The following SLC25A16 variants were observed in gnomAD, a reference collection of about 807,000 sequenced individuals.
SLC25A16 encodes mitochondrial coenzyme A transporter SLC25A16.
A neutral mutation model predicts 41.5 loss-of-function variants in SLC25A16; 39 were observed. That is an observed-to-expected ratio of 0.94 (90% CI 0.73 to 1.23). SLC25A16 has a LOEUF of 1.23. Ranked by LOEUF, SLC25A16 falls within the 50% of genes most tolerant of loss-of-function variation. SLC25A16 has a pLI of 0.00. For missense variants in SLC25A16, 421 were observed against 426.9 expected, an observed-to-expected ratio of 0.99 and a Z score of 0.12; for synonymous variants, 146 against 147.8, an observed-to-expected ratio of 0.99 and a Z score of 0.09.
rs564662212 is a variant in SLC25A16 at position 68,493,954 on chromosome 10, A to C, written c.422-384T>G. ...TGTTTCCACATCCATGGATTGAAGC[A>C]ACCATGGACGGAAAATGTAGTGAGG... On this transcript the variant is annotated intron_variant, in intron 4 of 8. Transcript: ENST00000609923. Among the ~76,000 whole-genome samples, 4 of 152,350 alleles carry C rather than the reference A, an allele frequency of 2.6e-5. No individual in the cohort carries two copies. The South Asian group carries it at 8.3e-4, about 32-fold the overall frequency.
chr10:68,487,085 T>C (rs1169949053), intron 8 of SLC25A16, 59 bp downstream of exon 8: 4 of 1,331,970 alleles, frequency 3.0e-6, no homozygotes, highest in African/African-American at 1.4e-5. Context: ...CCTATCTCCT[T>C]ACTGAGTTTA....
At chr10:68,484,888 A>T (rs1465068499) in intron 8 of SLC25A16, among the ~76,000 whole-genome samples, 1 of 152,184 alleles carries the variant, frequency 6.6e-6, no homozygotes, top group Non-Finnish European at 1.5e-5. Flanking sequence ...TGTGCTATAC[A>T]ATCACAGCAG....
chr10:68,518,583 G>A (rs1564928858), intron 1 of SLC25A16, among the ~76,000 whole-genome samples: 1 of 151,512 alleles, frequency 6.6e-6, no homozygotes. Flanking sequence ...AGACCAGCCT[G>A]GCCAACATGG....
intron 1 of SLC25A16, chr10:68,517,374 G>C: frequency 7.7e-6 from 3 of 389,496 alleles, no homozygotes; most frequent in Non-Finnish European, 1.1e-5. Flanking sequence ...CTGGGGAAAA[G>C]TATAGATGAA....
At chr10:68,513,193 T>C (rs551640680) in intron 2 of SLC25A16, among the ~76,000 whole-genome samples, 2 of 147,730 alleles carry the variant, frequency 1.4e-5, no homozygotes, top group African/African-American at 5.0e-5. Flanking sequence ...TTTTTTTTTT[T>C]AATAAAAAAT....
chr10:68,521,333 C>T (rs2053246167), intron 1 of SLC25A16, among the ~76,000 whole-genome samples: 1 of 152,014 alleles, frequency 6.6e-6, no homozygotes, highest in Admixed American at 6.6e-5. Flanking sequence ...GAGCTCAGTT[C>T]GAGACCAGCC....
chr10:68,513,567 AC>A (rs2053106525), intron 2 of SLC25A16, among the ~76,000 whole-genome samples: 2 of 152,190 alleles, frequency 1.3e-5, no homozygotes, highest in African/African-American at 4.8e-5. Flanking sequence ...ACCCTGTTAA[AC>A]ATCTTTCTAT....
At chr10:68,512,511 C>T (rs529457401) in intron 2 of SLC25A16, among the ~76,000 whole-genome samples, 1 of 126,370 alleles carries the variant, frequency 7.9e-6, no homozygotes, top group African/African-American at 3.2e-5. Context: ...TAGTGGCGGG[C>T]GCCTGTAGTC....
intron 4 of SLC25A16, among the ~76,000 whole-genome samples, chr10:68,494,391 G>A (rs1011523649): frequency 2.1e-5 from 3 of 145,754 alleles, no homozygotes; most frequent in African/African-American, 4.9e-5. Context: ...GAACCCAGGA[G>A]GCGGAGGTTG....
chr10:68,494,636 G>C (rs2052719362), intron 4 of SLC25A16, among the ~76,000 whole-genome samples: 1 of 149,502 alleles, frequency 6.7e-6, no homozygotes, highest in Non-Finnish European at 1.5e-5. Context: ...CAACACTTTG[G>C]GAGGCTGAGG....
intron 5 of SLC25A16, 99 bp from the exon 6 acceptor site, chr10:68,493,297 G>A: frequency 9.0e-7 from 1 of 1,114,352 alleles, no homozygotes; most frequent in Non-Finnish European, 1.3e-6. Flanking sequence ...ATTATTCAGG[G>A]ATCCACCCTG....
intron 1 of SLC25A16, among the ~76,000 whole-genome samples, chr10:68,523,780 G>T (rs775957804): frequency 4.6e-5 from 7 of 152,034 alleles, no homozygotes; most frequent in Non-Finnish European, 1.0e-4. Flanking sequence ...TAGCCTAAAT[G>T]TCATTTTATC....
Position 68,480,324 on chromosome 10 carries a change from T to C in SLC25A16, c.*3108A>G, listed in dbSNP as rs182255612. 7.9e-5 allele frequency: 12 copies of C among 152,336 alleles called. No individual in the cohort carries two copies. Among genetic ancestry groups the C allele is most frequent in the East Asian group, 1.9e-4 (1 of 5,192 alleles). The allele number at this position is 152,336 out of a possible 1,614,324, so 9.4% of individuals were successfully genotyped here. A position where few individuals can be genotyped will look rare whatever the true frequency, so the allele number is the denominator to read the frequency against. ...TTAAATATTCTTCCATTCTGACTTA[T>C]GTTTAGCATTTGTGCTTCAATATGT... On this transcript the variant is annotated 3_prime_UTR_variant, in exon 9 of 9. Transcript: ENST00000609923.
intron 6 of SLC25A16, among the ~76,000 whole-genome samples, chr10:68,491,587 G>A (rs947454264): frequency 2.0e-5 from 3 of 151,960 alleles, no homozygotes; most frequent in Non-Finnish European, 2.9e-5. Flanking sequence ...CACCCAGGAG[G>A]GTGTCCATTC....
chr10:68,491,702 C>T (rs1053666622), intron 6 of SLC25A16, among the ~76,000 whole-genome samples: 1 of 152,156 alleles, frequency 6.6e-6, no homozygotes, highest in African/African-American at 2.4e-5. Context: ...TAGTTGTTAC[C>T]TGACCTCCTG....
intron 1 of SLC25A16, among the ~76,000 whole-genome samples, chr10:68,522,925 T>G (rs2053272357): frequency 6.7e-6 from 1 of 150,294 alleles, no homozygotes; most frequent in Admixed American, 6.7e-5. Flanking sequence ...GAGGTGGAGG[T>G]TGCAGTGATA....
rs1398226278 is a variant in SLC25A16 at position 68,488,494 on chromosome 10, A to C, written c.746T>G (p.Val249Gly). 1 of 1,560,556 alleles carries C rather than the reference A, an allele frequency of 6.4e-7. No individual in the cohort carries two copies. The highest frequency in any genetic ancestry group is 8.6e-7 in the Non-Finnish European group (1 of 1,162,750). The change falls in exon 7 of 9, where the codon GTT becomes GGT. Residue 249 changes from valine (V) to glycine (G), a missense_variant. Val to Gly is a moderately radical substitution (Grantham distance 109). Coordinates refer to ENST00000609923, the MANE Select transcript of SLC25A16 (RefSeq NM_152707.4). ...KTHVNLLCGG[V>G]AGAIAQTISY... ...TATTGTCTGCGCTATTGCTCCAGCA[A>C]CACCACCACAAAGTAAGTTTACATG...
intron 8 of SLC25A16, among the ~76,000 whole-genome samples, chr10:68,485,327 T>C (rs1452285351): frequency 6.6e-6 from 1 of 152,198 alleles, no homozygotes; most frequent in Non-Finnish European, 1.5e-5. Flanking sequence ...CCTGACCTTG[T>C]GATCCTCCCG....
At chr10:68,483,613 A>T in intron 8 of SLC25A16, 25 bp from the exon 9 acceptor site, 1 of 1,550,744 alleles carries the variant, frequency 6.4e-7, no homozygotes, top group Non-Finnish European at 8.7e-7. Context: ...TTAAATGATG[A>T]CCTCTATGCC....
Sources: gnomAD v4.1 joint callset for allele counts (sites outside exome capture counted in the v4.1 genomes callset) on GRCh38, gnomAD v4.1.1 for gene constraint, MANE v1.5 for transcripts, NCBI Gene and HGNC (gene_info 2026-07-23, HGNC 2026-07-21) for gene names.